PDE3B: variants seen among roughly 807,000 people sequenced by gnomAD.
The protein encoded by PDE3B is cGMP-inhibited 3',5'-cyclic phosphodiesterase 3B.
Under a neutral mutation model 116.8 loss-of-function variants are expected in PDE3B, and 66 were observed. The observed-to-expected ratio is 0.56, with a 90% CI of 0.46 to 0.69. PDE3B has a LOEUF of 0.69. Among genes scored for constraint, PDE3B ranks in the 30% least tolerant of loss-of-function variants. PDE3B has a pLI of 0.00. For synonymous variants in PDE3B, 595 were observed against 533.6 expected (o/e 1.12, Z -1.59); for missense variants, 1,384 against 1,368.1 (o/e 1.01, Z -0.18).
chr11:14,701,290 A>G (rs1019303513), intron 1 of PDE3B, among the ~76,000 whole-genome samples: 3 of 151,768 alleles, frequency 2.0e-5, no homozygotes, highest in African/African-American at 7.2e-5. Context: ...AATAGTAATT[A>G]TATTATCTGC....
At chr11:14,704,478 T>A (rs1355751078) in intron 1 of PDE3B, among the ~76,000 whole-genome samples, 7 of 151,756 alleles carry the variant, frequency 4.6e-5, no homozygotes. Context: ...GAAAGACAGA[T>A]CAATAGTCAA....
At chr11:14,704,949 A>G (rs1391439998) in intron 1 of PDE3B, among the ~76,000 whole-genome samples, 3 of 151,716 alleles carry the variant, frequency 2.0e-5, no homozygotes, top group African/African-American at 7.2e-5. Flanking sequence ...AAAAATATTT[A>G]TAATACATAT....
chr11:14,725,325 TTCTTTTTCTTTC>T lies in PDE3B; in HGVS notation c.979-46610_979-46599del, dbSNP rs1488131486. On this transcript the variant is annotated intron_variant, in intron 1 of 15. Coordinates refer to ENST00000282096, the MANE Select transcript of PDE3B (RefSeq NM_000922.4). ...TCTTTCTTTCTCTTTCTTTCTTTCT[TTCTTTTTCTTTC>T]TTTCTTTCTTTCTTCTTTCTCCTCT... 2.7e-4 allele frequency among the ~76,000 whole-genome samples: 40 copies of T among 150,914 alleles called. 1 individual carries two copies. The South Asian group carries it at 4.4e-3, about 17-fold the overall frequency.
chr11:14,644,113 C>A lies in PDE3B; in HGVS notation c.38C>A (p.Ser13Tyr). 1.3e-6 allele frequency: 2 copies of A among 1,576,828 alleles called. No individual in the cohort carries two copies. Among genetic ancestry groups the A allele is most frequent in the South Asian group, 1.1e-5 (1 of 87,998 alleles). Residue 13 changes from serine (S) to tyrosine (Y), a missense_variant, in exon 1 of 16, where the codon TCC becomes TAC. Physicochemically the swap from Ser to Tyr is moderately radical, Grantham distance 144 (BLOSUM62 -2). Transcript: ENST00000282096. ...RDERDAKAMRSLQPPDGAGSP... is the reference protein window; with the variant it reads ...RDERDAKAMRYLQPPDGAGSP... ...GAGCGAGACGCCAAAGCCATGCGGT[C>A]CCTGCAGCCGCCGGATGGGGCCGGC... is the stretch of plus-strand genomic sequence containing the variant.
At chr11:14,882,090 T>A in the PDE3B span, among the ~76,000 whole-genome samples, 1 of 151,992 alleles carries the variant, frequency 6.6e-6, no homozygotes, top group Non-Finnish European at 1.5e-5. Context: ...TAGTCCATTC[T>A]TTTTTCTATA....
downstream of PDE3B, among the ~76,000 whole-genome samples, chr11:14,876,858 TC>T (rs1468625801): frequency 2.8e-4 from 42 of 152,148 alleles, no homozygotes; most frequent in African/African-American, 9.2e-4. Context: ...CTTCCACCCT[TC>T]CTCCAAATTC....
chr11:14,876,183 A>G (rs1281892028), downstream of PDE3B, among the ~76,000 whole-genome samples: 1 of 152,092 alleles, frequency 6.6e-6, no homozygotes, highest in African/African-American at 2.4e-5. Context: ...CAAAGAAAGA[A>G]CAAAGACTAA....
At chr11:14,835,959 C>T (rs1052869218) in intron 11 of PDE3B, among the ~76,000 whole-genome samples, 8 of 152,146 alleles carry the variant, frequency 5.3e-5, no homozygotes, top group African/African-American at 1.9e-4. Flanking sequence ...TGCTCAGTTA[C>T]CAATACTTGA....
intron 1 of PDE3B, among the ~76,000 whole-genome samples, chr11:14,698,189 A>G (rs546467608): frequency 3.9e-5 from 6 of 151,902 alleles, no homozygotes; most frequent in South Asian, 4.2e-4. Flanking sequence ...GCTACCTTTT[A>G]TCAGATTAAG....
At chr11:14,748,026 AT>A (rs1204206411) in intron 1 of PDE3B, among the ~76,000 whole-genome samples, 1 of 152,218 alleles carries the variant, frequency 6.6e-6, no homozygotes, top group Non-Finnish European at 1.5e-5. Flanking sequence ...ATAGTATAGC[AT>A]TTCCTTTAGC....
rs118088224 is a variant in PDE3B, at chr11:14,696,562, T to C, written c.978+51509T>C. 9.3e-3 allele frequency among the ~76,000 whole-genome samples: 1,424 copies of C among 152,310 alleles called. 11 individuals carry two copies. The highest frequency in any genetic ancestry group is 0.015 in the Non-Finnish European group (1,031 of 68,028). On this transcript the variant is annotated intron_variant, in intron 1 of 15. Transcript: ENST00000282096. ...CTGATGATGCGCGAGTGCTTCTATA[T>C]ATGTTGACTGGCCATTTGGATATTG...
intron 1 of PDE3B, among the ~76,000 whole-genome samples, chr11:14,763,642 T>C (rs1857419625): frequency 6.6e-6 from 1 of 152,150 alleles, no homozygotes; most frequent in Non-Finnish European, 1.5e-5. Context: ...TCGAATCTAC[T>C]ACATTTATGG....
At chr11:14,886,022 G>T in the PDE3B span, 1 of 1,138,514 alleles carries the variant, frequency 8.8e-7, no homozygotes, top group South Asian at 1.3e-5. Flanking sequence ...GATTTGTTAC[G>T]TCCCTGAAAA....
At chr11:14,821,867 A>G (rs987500357) in intron 7 of PDE3B, among the ~76,000 whole-genome samples, 2 of 151,772 alleles carry the variant, frequency 1.3e-5, no homozygotes, top group Non-Finnish European at 2.9e-5. Context: ...ATTTGAACCT[A>G]GTTTTCTGAA....
intron 4 of PDE3B, among the ~76,000 whole-genome samples, chr11:14,798,178 A>G (rs904204476): frequency 6.6e-6 from 1 of 152,200 alleles, no homozygotes; most frequent in African/African-American, 2.4e-5. Context: ...TTGTGCATCT[A>G]TTGAGATAAT....
At chr11:14,885,847 A>G in the PDE3B span, 311 of 1,613,700 alleles carry the variant, frequency 1.9e-4, no homozygotes, top group African/African-American at 3.8e-3. Context: ...TTGATGAACA[A>G]GGCATTCCTT....
the PDE3B span, chr11:14,880,781 A>T: frequency 1.3e-6 from 2 of 1,599,460 alleles, no homozygotes; most frequent in Non-Finnish European, 1.7e-6. Context: ...GAAAAAAAAT[A>T]TTAAAATATT....
intron 1 of PDE3B, among the ~76,000 whole-genome samples, chr11:14,708,762 C>G (rs960027952): frequency 1.3e-5 from 2 of 151,598 alleles, no homozygotes; most frequent in East Asian, 3.9e-4. Flanking sequence ...TAAAAAAGTT[C>G]AGGGGTGAAT....
At chr11:14,783,817 T>C (rs1858108449) in intron 2 of PDE3B, among the ~76,000 whole-genome samples, 1 of 151,866 alleles carries the variant, frequency 6.6e-6, no homozygotes, top group African/African-American at 2.4e-5. Flanking sequence ...AACAAAAGAA[T>C]CTGTCAGTAA....
Sources: gnomAD v4.1 joint callset for allele counts (sites outside exome capture counted in the v4.1 genomes callset) on GRCh38, gnomAD v4.1.1 for gene constraint, MANE v1.5 for transcripts, NCBI Gene and HGNC (gene_info 2026-07-23, HGNC 2026-07-21) for gene names.